CIT: variants seen among roughly 807,000 people sequenced by gnomAD.
The protein encoded by CIT is citron Rho-interacting kinase.
CIT carries 79 observed loss-of-function variants against 272.7 expected under a neutral mutation model. The observed-to-expected ratio is 0.29, with a 90% CI of 0.24 to 0.35. The LOEUF (loss-of-function observed/expected upper bound fraction) is 0.35, where lower values mean the gene tolerates loss of function less well. CIT is among the 10% of genes least tolerant of loss of function. CIT has a pLI of 1.00. For synonymous variants in CIT, 948 were observed against 995.6 expected (o/e 0.95, Z 0.90); for missense variants, 1,909 against 2,618.3 (o/e 0.73, Z 5.91).
Position 119,832,796 on chromosome 12 carries a change from G to A in CIT, c.728C>T (p.Ala243Val), listed in dbSNP as rs767929630. ...CATCTTGTTTGAATTCATTTTCGCGGCAGATCCAAAATCCACCAGCTTGAT... is the reference window on the plus strand; with the variant it reads ...CATCTTGTTTGAATTCATTTTCGCGACAGATCCAAAATCCACCAGCTTGAT... ...GHIKLVDFGSAAKMNSNKMVN... is the reference protein window; with the variant it reads ...GHIKLVDFGSVAKMNSNKMVN... Residue 243 changes from alanine to valine, a missense_variant, in exon 7 of 48, where the codon GCC becomes GTC. Ala to Val is a moderately conservative substitution (Grantham distance 64, BLOSUM62 0). Transcript: ENST00000392521. 4.3e-6 allele frequency: 7 copies of A among 1,613,598 alleles called. No individual in the cohort carries two copies. Among genetic ancestry groups the A allele is most frequent in the Admixed American group, 3.3e-5 (2 of 59,982 alleles).
rs1460956371 is a variant in CIT at position 119,718,884 on chromosome 12, C to A, written c.3841-23G>T. 6.2e-7 allele frequency: 1 copy of A among 1,611,212 alleles called. No individual in the cohort carries two copies. Among genetic ancestry groups the A allele is most frequent in the Non-Finnish European group, 8.5e-7 (1 of 1,178,002 alleles). Reference sequence around the variant, plus strand: ...ACCCTAGCAATGGAAACAGAGATATCTCCTAACTCCTGGAAACTGGCACTT... The same window carrying A: ...ACCCTAGCAATGGAAACAGAGATATATCCTAACTCCTGGAAACTGGCACTT... On this transcript the variant is annotated intron_variant, in intron 30 of 47. Transcript: ENST00000392521. This position sits in a 1 kb window ranked among gnomAD's most constrained non-coding sequence, Gnocchi z 4.8.
At chr12:119,700,983 G>C (rs1457727274) in intron 43 of CIT, 158 bp from the exon 44 acceptor site, 1 of 425,892 alleles carries the variant, frequency 2.3e-6, no homozygotes, top group Non-Finnish European at 4.2e-6. Context: ...CCAGCTCTCA[G>C]CTTTATTAAA....
chr12:119,840,734 C>A (rs555934328), intron 5 of CIT, among the ~76,000 whole-genome samples: 3 of 152,196 alleles, frequency 2.0e-5, no homozygotes, highest in Non-Finnish European at 4.4e-5. Flanking sequence ...GCTTCAGAAG[C>A]AGCAGCATGT....
chr12:119,852,445 G>A (rs1166289628), intron 4 of CIT, among the ~76,000 whole-genome samples: 2 of 152,154 alleles, frequency 1.3e-5, no homozygotes, highest in African/African-American at 4.8e-5. Context: ...CAGGTGTGGT[G>A]GCTCACGCCT....
At chr12:119,797,797 A>G (rs1033921385) in intron 10 of CIT, among the ~76,000 whole-genome samples, 6 of 152,224 alleles carry the variant, frequency 3.9e-5, no homozygotes, top group Non-Finnish European at 2.9e-5. Flanking sequence ...TGGAGAGTTC[A>G]GGCTGTCTTC....
intron 2 of CIT, among the ~76,000 whole-genome samples, chr12:119,874,319 G>A (rs963948366): frequency 5.3e-5 from 8 of 151,924 alleles, no homozygotes; most frequent in Admixed American, 2.0e-4. Flanking sequence ...TAATCCGCCC[G>A]CCTCAGCCTC....
At chr12:119,798,673 C>T (rs1405048581) in intron 10 of CIT, among the ~76,000 whole-genome samples, 4 of 152,116 alleles carry the variant, frequency 2.6e-5, no homozygotes, top group Non-Finnish European at 5.9e-5. Flanking sequence ...GCTTATAAGC[C>T]CAGTTCCAGC....
At chr12:119,762,479 G>T (rs923468429) in intron 19 of CIT, among the ~76,000 whole-genome samples, 1 of 152,116 alleles carries the variant, frequency 6.6e-6, no homozygotes, top group African/African-American at 2.4e-5. Flanking sequence ...AAAAAGAAAT[G>T]GTTTCATAAA....
At chr12:119,843,639 G>A (rs926770713) in intron 5 of CIT, among the ~76,000 whole-genome samples, 2 of 151,940 alleles carry the variant, frequency 1.3e-5, no homozygotes, top group East Asian at 1.9e-4. Flanking sequence ...GTGAAACCCC[G>A]TCTCTACTAA....
intron 9 of CIT, among the ~76,000 whole-genome samples, chr12:119,813,754 C>G (rs1165632745): frequency 1.3e-5 from 2 of 152,194 alleles, no homozygotes; most frequent in African/African-American, 2.4e-5. Flanking sequence ...CTGGCTTGCA[C>G]TAAGAGGCCC....
At chr12:119,727,976 G>A (rs1958212555) in intron 28 of CIT, among the ~76,000 whole-genome samples, 1 of 151,966 alleles carries the variant, frequency 6.6e-6, no homozygotes, top group Admixed American at 6.6e-5. Flanking sequence ...GAAAAGACAT[G>A]GAGGAAACCT....
At position 119,714,227 on chromosome 12, in the gene CIT, G is replaced by C; in HGVS notation, c.4276C>G (p.His1426Asp). ...CATTTGGATGCCTGGCGTCCAAAGTGCACGGTATCCAGACACACAGCACAC... is the reference window on the plus strand; with the variant it reads ...CATTTGGATGCCTGGCGTCCAAAGTCCACGGTATCCAGACACACAGCACAC... ...TKCAVCLDTV[H>D]FGRQASKCLE... The change falls in exon 33 of 48, where the codon CAC becomes GAC. Residue 1426 changes from histidine (H) to aspartate (D), a missense_variant. By Grantham distance (81) the His-to-Asp change is moderately conservative. Coordinates refer to ENST00000392521, the MANE Select transcript of CIT (RefSeq NM_001206999.2). The C allele has an allele frequency of 4.3e-6, 7 of 1,613,978 alleles. No individual in the cohort carries two copies. The highest frequency in any genetic ancestry group is 5.9e-6 in the Non-Finnish European group (7 of 1,179,990).
At chr12:119,716,733 A>T (rs1409010038) in intron 32 of CIT, among the ~76,000 whole-genome samples, 2 of 152,204 alleles carry the variant, frequency 1.3e-5, no homozygotes, top group African/African-American at 2.4e-5. Flanking sequence ...CATGACCTTT[A>T]ACCCAGTGAT....
Position 119,700,671 on chromosome 12 carries a change from G to A in CIT, c.5623+74C>T, listed in dbSNP as rs540221316. 2.0e-4 allele frequency: 253 copies of A among 1,248,756 alleles called. 2 individuals are homozygous for A. Among genetic ancestry groups the A allele is most frequent in the African/African-American group, 9.0e-4 (61 of 67,498 alleles). The allele number at this position is 1,248,756 out of a possible 1,614,324, so 77.4% of individuals were successfully genotyped here. On this transcript the variant is annotated intron_variant, in intron 44 of 47. Transcript: ENST00000392521. The stretch of plus-strand genomic sequence containing the variant: ...GTTGGGATTACAGGCGTGAGCCACC[G>A]CACCCGGATGCAATTCTTTTCCAGG...
In CIT at chr12:119,728,831, G is replaced by A. The variant is rs536151245; in HGVS notation, c.3487-225C>T. ...TTCTAAGGGATGGCTCTTAAATATG[G>A]CTGTGACAAGTTCTAGGAGGATAAC... On this transcript the variant is annotated intron_variant, in intron 27 of 47. Transcript: ENST00000392521. The surrounding 1 kb of genome is among the most constrained non-coding windows in gnomAD (Gnocchi z 4.3). Among the ~76,000 whole-genome samples the A allele has an allele frequency of 3.6e-4, 55 of 152,302 alleles. No individual in the cohort carries two copies. Among genetic ancestry groups the A allele is most frequent in the Non-Finnish European group, 6.8e-4 (46 of 68,028 alleles).
rs768926007 is a variant in CIT, at chr12:119,822,906, A to T, written c.1025T>A (p.Leu342Ter). The change falls in exon 9 of 48, where the codon TTG becomes TAG. Residue 342 changes from leucine (L) to a stop codon, truncating the protein, a stop_gained. Coordinates refer to ENST00000392521, the MANE Select transcript of CIT (RefSeq NM_001206999.2). LOFTEE classifies it high-confidence loss of function. ...CTTCAGTCTCTCTTTCTGGCCGCACAACAAGCTTTGAATCAGATCAAGAAA... is the reference window on the plus strand; with the variant it reads ...CTTCAGTCTCTCTTTCTGGCCGCACTACAAGCTTTGAATCAGATCAAGAAA... ...SDFLDLIQSL[L>*]CGQKERLKFE... The T allele has an allele frequency of 6.2e-7, 1 of 1,614,182 alleles. No homozygotes were observed. The highest frequency in any genetic ancestry group is 8.5e-7 in the Non-Finnish European group (1 of 1,180,038).
At chr12:119,752,307 A>C in intron 22 of CIT, 60 bp from the exon 23 acceptor site, 1 of 1,463,592 alleles carries the variant, frequency 6.8e-7, no homozygotes, top group Non-Finnish European at 9.2e-7. Context: ...AACAAAAGAG[A>C]AAGTGAAGAC....
chr12:119,828,812 C>T (rs1175427269), intron 7 of CIT, among the ~76,000 whole-genome samples: 1 of 152,188 alleles, frequency 6.6e-6, no homozygotes, highest in African/African-American at 2.4e-5. Context: ...AGGTGATCTG[C>T]TCGCCTCGGC....
At chr12:119,797,783 T>A (rs1395836294) in intron 10 of CIT, among the ~76,000 whole-genome samples, 1 of 152,138 alleles carries the variant, frequency 6.6e-6, no homozygotes, top group African/African-American at 2.4e-5. Context: ...GAAACAGGAC[T>A]GATTGGAGAG....
Sources: allele counts gnomAD v4.1 joint callset (sites outside exome capture counted in the v4.1 genomes callset), GRCh38; gene constraint gnomAD v4.1.1; non-coding constraint Gnocchi (gnomAD v3.1); transcripts MANE v1.5; gene names NCBI Gene and HGNC (gene_info 2026-07-23, HGNC 2026-07-21).